PRLR: variants seen among roughly 807,000 people sequenced by gnomAD.
The protein encoded by PRLR is prolactin receptor, also known as hPRL receptor.
A neutral mutation model predicts 40.2 loss-of-function variants in PRLR; 13 were observed. The ratio of observed to expected loss-of-function variants is 0.32; its 90% CI spans 0.21 to 0.51. The LOEUF (loss-of-function observed/expected upper bound fraction) is 0.51. PRLR is among the 20% of genes least tolerant of loss of function. The pLI is 0.97. For synonymous variants in PRLR, 269 were observed against 278.7 expected (o/e 0.97, Z 0.35); for missense variants, 656 against 747.3 (o/e 0.88, Z 1.42).
At chr5:35,076,476 G>C (rs996882892) in intron 5 of PRLR, among the ~76,000 whole-genome samples, 1 of 152,160 alleles carries the variant, frequency 6.6e-6, no homozygotes, top group Non-Finnish European at 1.5e-5. Flanking sequence ...GAAATGAAGT[G>C]AGAAGAGAAG....
At chr5:35,053,407 C>T (rs1399791726), downstream of PRLR, among the ~76,000 whole-genome samples, 4 of 152,208 alleles carry the variant, frequency 2.6e-5, no homozygotes, top group African/African-American at 4.8e-5. Context: ...AATCTCAGCA[C>T]TTTGGGAGGC....
At chr5:35,098,200 G>A (rs992968406) in intron 2 of PRLR, among the ~76,000 whole-genome samples, 2 of 152,166 alleles carry the variant, frequency 1.3e-5, no homozygotes, top group Non-Finnish European at 2.9e-5. Context: ...TTTTTGCCGT[G>A]TTTAACCTGA....
chr5:35,227,251 A>C (rs895168376), intron 1 of PRLR, among the ~76,000 whole-genome samples: 1 of 152,208 alleles, frequency 6.6e-6, no homozygotes, highest in Non-Finnish European at 1.5e-5. Context: ...CCTGCCTTTT[A>C]GAAGAATCTT....
In PRLR at chr5:35,064,312, G is replaced by T. The variant is rs1278404366; in HGVS notation, c.*777C>A. 3 of 152,018 alleles carry T rather than the reference G, an allele frequency of 2.0e-5. No homozygotes were observed. The highest frequency in any genetic ancestry group is 4.8e-5 in the African/African-American group (2 of 41,406). The allele number at this position is 152,018 out of a possible 1,614,324, so 9.4% of individuals were successfully genotyped here. A position where few individuals can be genotyped will look rare whatever the true frequency, so the allele number is the denominator to read the frequency against. On this transcript the variant is annotated 3_prime_UTR_variant, in exon 10 of 10. Coordinates refer to ENST00000618457, the MANE Select transcript of PRLR (RefSeq NM_000949.7). ...TTTAGGGAATTTTTTTTTAACTAAG[G>T]AAAGACTAAGGTGTATAATAAATTA...
At chr5:35,184,681 T>A (rs138991104) in intron 1 of PRLR, among the ~76,000 whole-genome samples, 12 of 152,314 alleles carry the variant, frequency 7.9e-5, no homozygotes, top group Non-Finnish European at 1.6e-4. Flanking sequence ...CTGTTTCTTA[T>A]CCTCTTCCCC....
At chr5:35,075,284 C>T (rs62355479) in intron 5 of PRLR, among the ~76,000 whole-genome samples, 1 of 152,196 alleles carries the variant, frequency 6.6e-6, no homozygotes, top group Non-Finnish European at 1.5e-5. Context: ...ATTCCCTTTA[C>T]TAGCCAAGGG....
In PRLR at chr5:35,230,454, C is replaced by G. The variant is rs527723948; in HGVS notation, c.-292G>C. On this transcript the variant is annotated 5_prime_UTR_variant, in exon 1 of 10. Coordinates refer to ENST00000618457, the MANE Select transcript of PRLR (RefSeq NM_000949.7). ...TCTGGGGATTTCAGCCTCCGCTCCC[C>G]GGTCCCCAGCCCGGTGGCTCTGTGA... The G allele has an allele frequency of 6.6e-6, 1 of 152,296 alleles. No individual in the cohort carries two copies. Among genetic ancestry groups the G allele is most frequent in the Non-Finnish European group, 1.5e-5 (1 of 68,074 alleles). The allele number at this position is 152,296 out of a possible 1,614,324, so 9.4% of individuals were successfully genotyped here. A position where few individuals can be genotyped will look rare whatever the true frequency, so the allele number is the denominator to read the frequency against.
chr5:35,161,346 C>T (rs1233513149), intron 1 of PRLR, among the ~76,000 whole-genome samples: 2 of 152,172 alleles, frequency 1.3e-5, no homozygotes, highest in Non-Finnish European at 2.9e-5. Context: ...ATTATTTGAT[C>T]TCACAAAAGC....
chr5:35,135,738 C>A (rs1018142439), intron 1 of PRLR, among the ~76,000 whole-genome samples: 5 of 152,166 alleles, frequency 3.3e-5, no homozygotes, highest in Non-Finnish European at 7.3e-5. Flanking sequence ...ACGCGGCAAT[C>A]ACGATGCCTG....
At chr5:35,105,093 A>G (rs1443987934) in intron 2 of PRLR, among the ~76,000 whole-genome samples, 1 of 152,210 alleles carries the variant, frequency 6.6e-6, no homozygotes, top group East Asian at 1.9e-4. Flanking sequence ...TCTGCTGGTG[A>G]TACTCAGGCA....
intron 3 of PRLR, 145 bp from the exon 4 acceptor site, chr5:35,086,485 C>T: frequency 2.0e-6 from 2 of 984,058 alleles, no homozygotes; most frequent in Non-Finnish European, 3.0e-6. Context: ...CTCAGGAATG[C>T]CAAGCATCAG....
chr5:35,188,508 T>A (rs114844388), intron 1 of PRLR, among the ~76,000 whole-genome samples: 3 of 152,198 alleles, frequency 2.0e-5, no homozygotes, highest in African/African-American at 7.2e-5. Flanking sequence ...AAGACCTTCA[T>A]TGGTTCCCCT....
chr5:35,064,258 C>A lies in PRLR; in HGVS notation c.*831G>T, dbSNP rs573329759. 2 of 152,178 alleles carry A rather than the reference C, an allele frequency of 1.3e-5. No homozygotes were observed. The highest frequency in any genetic ancestry group is 2.9e-5 in the Non-Finnish European group (2 of 68,006). The allele number at this position is 152,178 out of a possible 1,614,324, so 9.4% of individuals were successfully genotyped here. On this transcript the variant is annotated 3_prime_UTR_variant, in exon 10 of 10. Transcript: ENST00000618457. ...AGTAAGGCAGTAATTCCATTAGCAT[C>A]CTGCTGTGGTTTTCTTTTCAAGTTA...
chr5:35,143,517 C>T (rs1048634880), intron 1 of PRLR, among the ~76,000 whole-genome samples: 3 of 152,154 alleles, frequency 2.0e-5, no homozygotes, highest in African/African-American at 7.2e-5. Context: ...ACACAAACCT[C>T]GTTTGTTTTC....
At chr5:35,227,921 T>A (rs1179741956) in intron 1 of PRLR, among the ~76,000 whole-genome samples, 1 of 152,182 alleles carries the variant, frequency 6.6e-6, no homozygotes, top group African/African-American at 2.4e-5. Context: ...AGGTCAAGTA[T>A]CCACGCCGGT....
chr5:35,134,526 T>C (rs1012433876), intron 1 of PRLR, among the ~76,000 whole-genome samples: 2 of 152,192 alleles, frequency 1.3e-5, no homozygotes, highest in South Asian at 2.1e-4. Flanking sequence ...CACTCATCAG[T>C]GGATAAAAAC....
rs1265368909 is a variant in PRLR, at chr5:35,065,522, A to G, written c.1436T>C (p.Val479Ala). 6.2e-7 allele frequency: 1 copy of G among 1,613,850 alleles called. No homozygotes were observed. ...GTCAGTCTCAGAATGGAAGCTTTCT[A>G]CCTCCCTCTGCTGGGTTGCCTTTCC... is the stretch of plus-strand genomic sequence containing the variant. The part of the protein sequence containing the change: ...EEGKATQQRE[V>A]ESFHSETDQD... The change falls in exon 10 of 10, where the codon GTA becomes GCA. Residue 479 changes from valine to alanine, a missense_variant. By Grantham distance (64) the Val-to-Ala change is moderately conservative. Coordinates refer to ENST00000618457, the MANE Select transcript of PRLR (RefSeq NM_000949.7).
chr5:35,125,232 G>A (rs995618949), intron 1 of PRLR, among the ~76,000 whole-genome samples: 2 of 152,202 alleles, frequency 1.3e-5, no homozygotes, highest in Non-Finnish European at 2.9e-5. Flanking sequence ...TGGCCTGAAT[G>A]TGAGTCTGTA....
intron 1 of PRLR, among the ~76,000 whole-genome samples, chr5:35,179,532 C>T (rs568349135): frequency 6.6e-6 from 1 of 152,312 alleles, no homozygotes; most frequent in South Asian, 2.1e-4. Flanking sequence ...TACATTACTA[C>T]CTGTGCCTCA....
Sources: gnomAD v4.1 joint callset for allele counts (sites outside exome capture counted in the v4.1 genomes callset) on GRCh38, gnomAD v4.1.1 for gene constraint, MANE v1.5 for transcripts, NCBI Gene and HGNC (gene_info 2026-07-23, HGNC 2026-07-21) for gene names.